The following IGF2R variants were observed in gnomAD, a reference collection of about 807,000 sequenced individuals.
IGF2R encodes insulin like growth factor 2 receptor, also known as cation-independent mannose-6-phosphate receptor.
Under a neutral mutation model 270.6 loss-of-function variants are expected in IGF2R, and 91 were observed. The ratio of observed to expected loss-of-function variants is 0.34; its 90% confidence interval spans 0.28 to 0.40. IGF2R has a LOEUF of 0.40. Among genes scored for constraint, IGF2R ranks in the 10% least tolerant of loss-of-function variants. The pLI is 1.00. For synonymous variants in IGF2R, 1,316 were observed against 1,258.9 expected, an observed-to-expected ratio of 1.05 and a Z score of -0.96; for missense variants, 2,805 against 3,188.3, an observed-to-expected ratio of 0.88 and a Z score of 2.90.
intron 4 of IGF2R, among the ~76,000 whole-genome samples, chr6:160,021,996 C>G (rs954683355): frequency 4.7e-5 from 6 of 126,492 alleles, no homozygotes; most frequent in African/African-American, 1.8e-4. Context: ...TGCCCACCAA[C>G]GGATGACTAG....
chr6:159,993,980 A>G (rs1346824266), intron 2 of IGF2R, among the ~76,000 whole-genome samples: 2 of 119,036 alleles, frequency 1.7e-5, no homozygotes, highest in Non-Finnish European at 3.3e-5. Flanking sequence ...ATTCCCTCCA[A>G]CTTGATTTTT....
chr6:160,084,739 G>A lies in IGF2R; in HGVS notation c.6069-256G>A, dbSNP rs148147887. 3.3e-3 allele frequency among the ~76,000 whole-genome samples: 502 copies of A among 152,250 alleles called. 5 individuals carry two copies. Among genetic ancestry groups the A allele is most frequent in the African/African-American group, 0.012 (488 of 41,532 alleles). Reference sequence around the variant, plus strand: ...GGAGCCCTTCTTTCTACTGTACCACGCTGTGTCCAGGGTGGCCGCAGGTGT... The same window carrying A: ...GGAGCCCTTCTTTCTACTGTACCACACTGTGTCCAGGGTGGCCGCAGGTGT... On this transcript the variant is annotated intron_variant, in intron 40 of 47. Coordinates refer to ENST00000356956, the MANE Select transcript of IGF2R (RefSeq NM_000876.4). This position sits in a 1 kb window ranked among gnomAD's most constrained non-coding sequence, Gnocchi z 4.6.
At chr6:160,043,059 C>T in intron 11 of IGF2R, 89 bp from the exon 12 acceptor site, 1 of 1,423,534 alleles carries the variant, frequency 7.0e-7, no homozygotes, top group Non-Finnish European at 9.7e-7. Flanking sequence ...AACTTTGAGC[C>T]CTTGACTTTT....
chr6:160,075,799 G>A (rs752946825), intron 35 of IGF2R, 48 bp from the exon 36 acceptor site: 4 of 1,591,344 alleles, frequency 2.5e-6, no homozygotes, highest in Non-Finnish European at 3.4e-6. Context: ...ACTAACCTTG[G>A]GAATGGTTAA....
intron 18 of IGF2R, among the ~76,000 whole-genome samples, chr6:160,049,302 G>A (rs760412216): frequency 4.6e-5 from 7 of 152,134 alleles, no homozygotes; most frequent in Non-Finnish European, 8.8e-5. Context: ...TTGCCTACTT[G>A]AGAACACGTG....
chr6:160,093,537 A>G, intron 44 of IGF2R: 1 of 615,890 alleles, frequency 1.6e-6, no homozygotes, highest in South Asian at 1.7e-5. Context: ...CAACCTGGAC[A>G]AAGGAGAGAA....
chr6:160,092,963 C>G (rs1314014246), intron 44 of IGF2R: 1 of 152,294 alleles, frequency 6.6e-6, no homozygotes, highest in African/African-American at 2.4e-5. Context: ...GAAGGGGTTC[C>G]CAAGCCAACT....
chr6:160,044,674 A>G lies in IGF2R; in HGVS notation c.1765+17A>G. 1.3e-6 allele frequency: 2 copies of G among 1,593,160 alleles called. No homozygotes were observed. The highest frequency in any genetic ancestry group is 1.7e-6 in the Non-Finnish European group (2 of 1,171,942). On this transcript the variant is annotated intron_variant, in intron 13 of 47. Transcript: ENST00000356956. ...GCAAGCCAGGTAAAAATTTTAAAAA[A>G]GATGAAATCTTTTCTGGCTTCTGCC... is the stretch of plus-strand genomic sequence containing the variant.
intron 29 of IGF2R, among the ~76,000 whole-genome samples, chr6:160,065,401 TC>T (rs1169488887): frequency 6.6e-6 from 1 of 152,190 alleles, no homozygotes; most frequent in Non-Finnish European, 1.5e-5. Context: ...CTGTTGACTT[TC>T]CTGGGGGAAA....
intron 14 of IGF2R, among the ~76,000 whole-genome samples, chr6:160,046,162 C>T (rs919859172): frequency 2.0e-5 from 3 of 152,308 alleles, no homozygotes; most frequent in South Asian, 2.1e-4. Flanking sequence ...AGGCAAGAAA[C>T]CTCTCTGAGG....
chr6:160,085,725 G>A (rs991406937), intron 41 of IGF2R, among the ~76,000 whole-genome samples: 1 of 152,210 alleles, frequency 6.6e-6, no homozygotes, highest in African/African-American at 2.4e-5. Context: ...GGGGTTTCCC[G>A]AGTTGTCCTG....
At chr6:160,072,579 A>G (rs1778766165) in intron 32 of IGF2R, among the ~76,000 whole-genome samples, 186 bp from the exon 33 acceptor site, 2 of 151,986 alleles carry the variant, frequency 1.3e-5, no homozygotes, top group Non-Finnish European at 1.5e-5. Context: ...GGGACATCTC[A>G]TGGATCAAGG....
chr6:160,018,706 C>T (rs1777361264), intron 4 of IGF2R, among the ~76,000 whole-genome samples: 1 of 151,826 alleles, frequency 6.6e-6, no homozygotes, highest in Non-Finnish European at 1.5e-5. Context: ...ATTAAATAGC[C>T]TGCTTCTGAA....
rs1052774805 is a variant in IGF2R at position 160,073,398 on chromosome 6, C to G, written c.4876C>G (p.Leu1626Val). The change falls in exon 34 of 48, where the codon CTC becomes GTC. Residue 1626 changes from leucine (L) to valine (V), a missense_variant. Physicochemically the swap from Leu to Val is conservative, Grantham distance 32. This residue lies in a region of IGF2R where 1,851 missense variants were observed against 2,207.2 expected (regional missense o/e 0.84). Coordinates refer to ENST00000356956, the MANE Select transcript of IGF2R (RefSeq NM_000876.4). ...GGCCAGGCCAACCAATAGGCCCATG[C>G]TCATCTCCCTGGACAAGCAGACATG... ...PEARPTNRPM[L>V]ISLDKQTCTL... 1.6e-5 allele frequency: 26 copies of G among 1,614,134 alleles called. No individual in the cohort carries two copies. Among genetic ancestry groups the G allele is most frequent in the Non-Finnish European group, 1.9e-5 (23 of 1,180,042 alleles).
In IGF2R at chr6:160,104,679, T is replaced by G; in HGVS notation, c.7071T>G (p.Asn2357Lys). Reference sequence around the variant, plus strand: ...CTGCTGTTGATCCCTGGCAGGTGAATAAGGAAGAAGAGACAGATGAGAATG... The same window carrying G: ...CTGCTGTTGATCCCTGGCAGGTGAAGAAGGAAGAAGAGACAGATGAGAATG... ...SNVSYKYSKV[N>K]KEEETDENET... The change falls in exon 48 of 48, where the codon AAT (asparagine) becomes AAG (lysine). Residue 2357 changes from asparagine to lysine, a missense_variant. Transcript: ENST00000356956. The G allele has an allele frequency of 6.2e-7, 1 of 1,611,456 alleles. No individual in the cohort carries two copies.
chr6:160,079,247 A>G (rs1778921978), intron 37 of IGF2R, among the ~76,000 whole-genome samples: 2 of 152,182 alleles, frequency 1.3e-5, no homozygotes, highest in Admixed American at 1.3e-4. Context: ...ATGTCTTATT[A>G]CACAGGTGAG....
chr6:160,000,863 G>A (rs1784118565), intron 2 of IGF2R, among the ~76,000 whole-genome samples: 1 of 151,140 alleles, frequency 6.6e-6, no homozygotes, highest in South Asian at 2.1e-4. Context: ...AGCCTCCTGA[G>A]TAGCTTGGAT....
chr6:160,025,829 G>A (rs1777548307), intron 5 of IGF2R, among the ~76,000 whole-genome samples: 1 of 152,122 alleles, frequency 6.6e-6, no homozygotes, highest in African/African-American at 2.4e-5. Context: ...ATTGAATTCT[G>A]GAATAATACG....
chr6:160,026,824 T>A (rs1344950324), intron 5 of IGF2R, among the ~76,000 whole-genome samples: 1 of 152,230 alleles, frequency 6.6e-6, no homozygotes, highest in Non-Finnish European at 1.5e-5. Flanking sequence ...CTTTCCCTAA[T>A]CTCCTAATTG....
Sources: allele counts gnomAD v4.1 joint callset (sites outside exome capture counted in the v4.1 genomes callset), GRCh38; gene constraint gnomAD v4.1.1; regional missense constraint gnomAD v4.1.1; non-coding constraint Gnocchi (gnomAD v3.1); transcripts MANE v1.5; gene names NCBI Gene and HGNC (gene_info 2026-07-23, HGNC 2026-07-21).